Variants in FTO observed in about 807,000 individuals in gnomAD.
FTO encodes the protein alpha-ketoglutarate-dependent dioxygenase FTO.
Under a neutral mutation model 63.9 loss-of-function variants are expected in FTO, and 47 were observed. The observed-to-expected ratio is 0.74, with a 90% CI of 0.58 to 0.94. The LOEUF is 0.94. Ranked by LOEUF, FTO falls within the 40% of genes least tolerant of loss-of-function variation. The probability of loss-of-function intolerance (pLI) is 0.00; values close to 1 mark genes in which losing one functional copy is unlikely to be tolerated. For missense variants in FTO, 562 were observed against 618.1 expected (o/e 0.91, Z 0.96); for synonymous variants, 207 against 224.4 (o/e 0.92, Z 0.69).
intron 1 of FTO, among the ~76,000 whole-genome samples, chr16:53,712,186 G>A (rs937805331): frequency 1.3e-5 from 2 of 151,898 alleles, no homozygotes; most frequent in African/African-American, 2.4e-5. Flanking sequence ...TTCAAATTTG[G>A]CATTTTATTG....
At chr16:54,111,728 C>T in intron 8 of FTO, 34 bp from the exon 9 acceptor site, 2 of 1,613,826 alleles carry the variant, frequency 1.2e-6, no homozygotes, top group Non-Finnish European at 1.7e-6. Flanking sequence ...GGGGTTTCCT[C>T]CCGTGGATTA....
rs528205898 is a variant in FTO at position 53,830,847 on chromosome 16, G to T, written c.751+4356G>T. On this transcript the variant is annotated intron_variant, in intron 3 of 8. Transcript: ENST00000471389. ...GGAGGCAGAGGTTGCAGTGAGCTGA[G>T]ATTGCGCCACTGTACTCCAGCCCGG... 7.1e-5 allele frequency among the ~76,000 whole-genome samples: 10 copies of T among 140,744 alleles called. No individual in the cohort carries two copies. In the East Asian group the frequency reaches 1.8e-3, roughly 25 times the overall value. 92.3% of individuals were successfully genotyped at this position (140,744 alleles called of 152,430 possible).
intron 8 of FTO, among the ~76,000 whole-genome samples, chr16:54,024,349 A>G (rs6499672): frequency 0.31 from 47,302 of 151,782 alleles, 7,891 homozygotes; most frequent in South Asian, 0.44. Flanking sequence ...TCAACCTCCC[A>G]AGTAGCTGGG....
chr16:54,005,848 CT>C (rs1277493231), intron 8 of FTO, among the ~76,000 whole-genome samples: 3 of 152,110 alleles, frequency 2.0e-5, no homozygotes, highest in African/African-American at 7.2e-5. Context: ...TGCCTTAGGA[CT>C]TTTTGGCCAA....
intron 3 of FTO, among the ~76,000 whole-genome samples, chr16:53,840,509 T>A (rs1341989285): frequency 6.6e-6 from 1 of 152,232 alleles, no homozygotes; most frequent in Non-Finnish European, 1.5e-5. Flanking sequence ...TTGGCAAATT[T>A]TTTTTGTAAA....
intron 7 of FTO, among the ~76,000 whole-genome samples, chr16:53,925,995 T>C (rs1567443540): frequency 6.6e-6 from 1 of 152,168 alleles, no homozygotes; most frequent in Non-Finnish European, 1.5e-5. Flanking sequence ...TTTGGTTTTA[T>C]ACATGAAGTT....
chr16:53,759,902 G>GTCTAGGCGC (rs79692916), intron 1 of FTO, among the ~76,000 whole-genome samples: 44,143 of 151,486 alleles, frequency 0.29, 7,695 homozygotes, highest in African/African-American at 0.49. Flanking sequence ...TCCTGAGCTG[G>GTCTAGGCGC]TCTAGGATCC....
At chr16:53,931,876 A>ACACG (rs1212374763) in intron 7 of FTO, among the ~76,000 whole-genome samples, 2 of 139,340 alleles carry the variant, frequency 1.4e-5, no homozygotes, top group South Asian at 2.1e-4. Context: ...CATTAAACAC[A>ACACG]CACACACACA....
chr16:53,777,065 G>T (rs1295654262), intron 1 of FTO, among the ~76,000 whole-genome samples: 1 of 152,036 alleles, frequency 6.6e-6, no homozygotes, highest in Non-Finnish European at 1.5e-5. Flanking sequence ...TTATTTCTTT[G>T]TGGTGAGAAT....
chr16:54,082,254 C>T (rs981924691), intron 8 of FTO, among the ~76,000 whole-genome samples: 1 of 152,188 alleles, frequency 6.6e-6, no homozygotes, highest in East Asian at 1.9e-4. Flanking sequence ...AGAAAGCAGA[C>T]CACCAGATGT....
intron 8 of FTO, among the ~76,000 whole-genome samples, chr16:54,081,518 A>G (rs150761331): frequency 1.1e-3 from 173 of 152,286 alleles, no homozygotes; most frequent in African/African-American, 3.8e-3. Flanking sequence ...TGCACAGTGT[A>G]TCTAAATAGA....
At chr16:53,850,262 A>G (rs886453508) in intron 4 of FTO, among the ~76,000 whole-genome samples, 2 of 152,112 alleles carry the variant, frequency 1.3e-5, no homozygotes, top group Non-Finnish European at 2.9e-5. Flanking sequence ...TATAGTTTCC[A>G]CTGCCTATCC....
intron 1 of FTO, among the ~76,000 whole-genome samples, chr16:53,758,127 T>C (rs2076965432): frequency 6.6e-6 from 1 of 152,196 alleles, no homozygotes; most frequent in Admixed American, 6.5e-5. Flanking sequence ...TAATGAAAGC[T>C]GAAACTCTCA....
chr16:53,768,775 A>T (rs548154284), intron 1 of FTO, among the ~76,000 whole-genome samples: 1 of 152,114 alleles, frequency 6.6e-6, no homozygotes, highest in East Asian at 1.9e-4. Flanking sequence ...CCATGTCAAA[A>T]CTTGCCTTGT....
intron 7 of FTO, among the ~76,000 whole-genome samples, chr16:53,920,775 G>C (rs937915647): frequency 2.6e-5 from 4 of 152,132 alleles, no homozygotes; most frequent in African/African-American, 9.7e-5. Context: ...TTGATGGAAT[G>C]GTTGTTGGCA....
intron 8 of FTO, among the ~76,000 whole-genome samples, chr16:53,986,468 G>A (rs1007750627): frequency 6.6e-6 from 1 of 152,084 alleles, no homozygotes; most frequent in Non-Finnish European, 1.5e-5. Context: ...TCCTTCTGAC[G>A]GGCATTTGTG....
intron 8 of FTO, chr16:53,937,970 T>C (rs1042058972): frequency 2.0e-5 from 3 of 152,208 alleles, no homozygotes; most frequent in African/African-American, 7.2e-5. Context: ...TATTATGGGA[T>C]AATTATTCAT....
chr16:53,890,340 A>G (rs1598918571), intron 7 of FTO, among the ~76,000 whole-genome samples: 2 of 152,316 alleles, frequency 1.3e-5, no homozygotes, highest in East Asian at 3.9e-4. Flanking sequence ...ATGTACCTTC[A>G]TGAAACCATC....
chr16:53,846,345 A>G (rs886635582), intron 4 of FTO, among the ~76,000 whole-genome samples: 2 of 151,904 alleles, frequency 1.3e-5, no homozygotes, highest in East Asian at 3.9e-4. Context: ...TTTTTGTACC[A>G]CGCAAATACA....
Sources: gnomAD v4.1 joint callset for allele counts (sites outside exome capture counted in the v4.1 genomes callset) on GRCh38, gnomAD v4.1.1 for gene constraint, MANE v1.5 for transcripts, NCBI Gene and HGNC (gene_info 2026-07-23, HGNC 2026-07-21) for gene names.